Variants in FBXL17 observed in about 807,000 individuals in gnomAD.
FBXL17 encodes F-box/LRR-repeat protein 17.
FBXL17 carries 22 observed loss-of-function variants against 66.2 expected under a neutral mutation model. The observed-to-expected ratio is 0.33, with a 90% confidence interval of 0.24 to 0.47. FBXL17 has a LOEUF of 0.47. Ranked by LOEUF, FBXL17 falls within the 20% of genes least tolerant of loss-of-function variation. The pLI is 1.00. For missense variants in FBXL17, 878 were observed against 948.2 expected, an observed-to-expected ratio of 0.93 and a Z score of 0.97; for synonymous variants, 474 against 400.5, an observed-to-expected ratio of 1.18 and a Z score of -2.19.
chr5:108,251,232 C>A (rs1756336954), intron 4 of FBXL17, among the ~76,000 whole-genome samples: 1 of 151,956 alleles, frequency 6.6e-6, no homozygotes, highest in Admixed American at 6.6e-5. Context: ...GCTTCATGCT[C>A]CTGCCATCAC....
At chr5:108,122,572 A>G (rs1162514013) in intron 6 of FBXL17, among the ~76,000 whole-genome samples, 4 of 152,232 alleles carry the variant, frequency 2.6e-5, no homozygotes, top group Admixed American at 6.5e-5. Context: ...CAGGAAAGAA[A>G]CAGAAATAAT....
chr5:108,239,906 C>A (rs1755777935), intron 4 of FBXL17, among the ~76,000 whole-genome samples: 1 of 151,958 alleles, frequency 6.6e-6, no homozygotes, highest in Admixed American at 6.6e-5. Flanking sequence ...AGTCCTGAGG[C>A]CCGTATTCCA....
intron 4 of FBXL17, among the ~76,000 whole-genome samples, chr5:108,230,810 C>G (rs564421163): frequency 7.1e-6 from 1 of 140,044 alleles, no homozygotes; most frequent in South Asian, 2.3e-4. Flanking sequence ...TTGGGGGGCG[C>G]GAGGGATAAA....
chr5:108,040,412 A>C (rs915122661), intron 6 of FBXL17, among the ~76,000 whole-genome samples: 1 of 152,302 alleles, frequency 6.6e-6, no homozygotes, highest in African/African-American at 2.4e-5. Flanking sequence ...ACCTAAAGTT[A>C]TACTAGATTC....
At chr5:108,378,741 G>A (rs764316503) in intron 1 of FBXL17, among the ~76,000 whole-genome samples, 7 of 152,174 alleles carry the variant, frequency 4.6e-5, no homozygotes, top group Non-Finnish European at 8.8e-5. Flanking sequence ...TGATACATTC[G>A]TTCGTAAGTA....
chr5:108,021,021 GT>G lies in FBXL17; in HGVS notation c.1746-21del. On this transcript the variant is annotated intron_variant, in intron 6 of 8. Transcript: ENST00000542267. ...ACACACCTGAAACATACAAAAAGTG[GT>G]TATACTAATGCGTTTCAAGTTAAAT... is the stretch of plus-strand genomic sequence containing the variant. 2 of 1,587,772 alleles carry G rather than the reference GT, an allele frequency of 1.3e-6. No homozygotes were observed. Among genetic ancestry groups the G allele is most frequent in the Non-Finnish European group, 1.7e-6 (2 of 1,157,274 alleles).
rs577151718 is a variant in FBXL17, at chr5:108,377,545, G to A, written c.993+3154C>T. ...ACAGGAGGTCACAGTAGAAGCCCACGCGAGAATGCTGTAGACTTGCACTAT... is the reference window on the plus strand; with the variant it reads ...ACAGGAGGTCACAGTAGAAGCCCACACGAGAATGCTGTAGACTTGCACTAT... On this transcript the variant is annotated intron_variant, in intron 1 of 8. Coordinates refer to ENST00000542267, the MANE Select transcript of FBXL17 (RefSeq NM_001163315.3). Among the ~76,000 whole-genome samples the A allele has an allele frequency of 5.3e-5, 8 of 152,344 alleles. No individual in the cohort carries two copies. The East Asian group carries it at 1.5e-3, about 29-fold the overall frequency.
chr5:108,087,377 G>A (rs1279580961), intron 6 of FBXL17, among the ~76,000 whole-genome samples: 2 of 152,054 alleles, frequency 1.3e-5, no homozygotes, highest in East Asian at 1.9e-4. Flanking sequence ...AGCCTATTCC[G>A]AACAGCAGCC....
intron 7 of FBXL17, among the ~76,000 whole-genome samples, chr5:107,958,806 T>G (rs1751770938): frequency 1.3e-5 from 2 of 152,170 alleles, no homozygotes; most frequent in African/African-American, 2.4e-5. Flanking sequence ...ATATCTAAGT[T>G]AAAAGAATTA....
At chr5:107,949,874 A>G (rs1253466956) in intron 7 of FBXL17, among the ~76,000 whole-genome samples, 30 of 152,160 alleles carry the variant, frequency 2.0e-4, no homozygotes, top group Non-Finnish European at 2.9e-5. Context: ...AGCGAAATCC[A>G]AGCTGCTTGG....
intron 6 of FBXL17, among the ~76,000 whole-genome samples, chr5:108,107,736 C>T (rs1185766637): frequency 2.0e-5 from 3 of 147,010 alleles, no homozygotes; most frequent in Non-Finnish European, 4.5e-5. Context: ...GGCATGAACC[C>T]GGGAGGCAGA....
chr5:108,098,447 A>T (rs1346612789), intron 6 of FBXL17, among the ~76,000 whole-genome samples: 1 of 151,868 alleles, frequency 6.6e-6, no homozygotes, highest in African/African-American at 2.4e-5. Flanking sequence ...AAGCAGTATT[A>T]AAAAAAATAC....
intron 4 of FBXL17, among the ~76,000 whole-genome samples, chr5:108,256,739 A>G (rs1756592922): frequency 6.6e-6 from 1 of 152,046 alleles, no homozygotes; most frequent in Non-Finnish European, 1.5e-5. Context: ...TGACTATATA[A>G]AAATATATTT....
chr5:107,975,857 GTTTT>G (rs1554053909), intron 7 of FBXL17, among the ~76,000 whole-genome samples: 2 of 79,916 alleles, frequency 2.5e-5, no homozygotes, highest in Non-Finnish European at 5.6e-5. Flanking sequence ...TGTTGTTGTT[GTTTT>G]TTTTTTTTTT....
intron 4 of FBXL17, among the ~76,000 whole-genome samples, chr5:108,342,849 G>A (rs1354100369): frequency 6.6e-6 from 1 of 152,162 alleles, no homozygotes; most frequent in East Asian, 1.9e-4. Flanking sequence ...ACCAGCAAAT[G>A]ATAGCAAAAT....
chr5:108,205,331 A>C (rs1754074263), intron 5 of FBXL17, among the ~76,000 whole-genome samples: 1 of 152,184 alleles, frequency 6.6e-6, no homozygotes, highest in African/African-American at 2.4e-5. Context: ...TTTACCAGTA[A>C]ATAAAGTATG....
chr5:108,295,228 A>G (rs1758295998), intron 4 of FBXL17, among the ~76,000 whole-genome samples: 1 of 151,890 alleles, frequency 6.6e-6, no homozygotes, highest in African/African-American at 2.4e-5. Context: ...GTGATATTTT[A>G]CTACAAGAAA....
intron 4 of FBXL17, among the ~76,000 whole-genome samples, chr5:108,271,073 A>T (rs1417003682): frequency 7.3e-6 from 1 of 137,384 alleles, no homozygotes; most frequent in African/African-American, 2.6e-5. Flanking sequence ...ATGATTTAGT[A>T]AATAAAGACA....
intron 7 of FBXL17, among the ~76,000 whole-genome samples, chr5:107,944,885 C>A (rs1176929074): frequency 6.6e-6 from 1 of 151,764 alleles, no homozygotes; most frequent in African/African-American, 2.4e-5. Flanking sequence ...CTTAAAAATG[C>A]AAAATAGAAG....
Sources: allele counts gnomAD v4.1 joint callset (sites outside exome capture counted in the v4.1 genomes callset), GRCh38; gene constraint gnomAD v4.1.1; transcripts MANE v1.5; gene names NCBI Gene and HGNC (gene_info 2026-07-23, HGNC 2026-07-21).